MGMT: variants seen among roughly 807,000 people sequenced by gnomAD.
MGMT encodes O-6-methylguanine-DNA methyltransferase.
In MGMT, 14 loss-of-function variants were observed where a neutral mutation model predicts 15.9. The ratio of observed to expected loss-of-function variants is 0.88; its 90% CI spans 0.58 to 1.37. The LOEUF is 1.37. MGMT is among the 40% of genes most tolerant of loss of function. The pLI is 0.00. For synonymous variants in MGMT, 130 were observed against 118.2 expected (o/e 1.10, Z -0.65); for missense variants, 282 against 268.1 (o/e 1.05, Z -0.36).
intron 3 of MGMT, among the ~76,000 whole-genome samples, chr10:129,710,026 C>T (rs906044425): frequency 4.6e-5 from 7 of 152,208 alleles, no homozygotes; most frequent in African/African-American, 1.2e-4. Context: ...CTCCTAGAGC[C>T]GAGGACAGGC....
intron 1 of MGMT, among the ~76,000 whole-genome samples, chr10:129,521,300 G>A (rs916860603): frequency 3.9e-5 from 6 of 152,160 alleles, no homozygotes; most frequent in Non-Finnish European, 8.8e-5. Context: ...CCTGTTGCCC[G>A]GGGTGGCTGC....
chr10:129,701,334 A>C (rs935319683), intron 2 of MGMT: 3 of 152,240 alleles, frequency 2.0e-5, no homozygotes, highest in African/African-American at 7.2e-5. Flanking sequence ...TGTTCGGGTC[A>C]CAGGAGAGGC....
intron 2 of MGMT, among the ~76,000 whole-genome samples, chr10:129,655,045 C>T (rs1306316882): frequency 2.6e-5 from 4 of 152,278 alleles, no homozygotes; most frequent in South Asian, 2.1e-4. Context: ...AGAGGGTGAC[C>T]GCTGCACCCT....
intron 2 of MGMT, among the ~76,000 whole-genome samples, chr10:129,688,303 A>C (rs1473518589): frequency 6.6e-6 from 1 of 152,218 alleles, no homozygotes; most frequent in Non-Finnish European, 1.5e-5. Flanking sequence ...TTACAGTCCC[A>C]CCAACAGTAT....
At chr10:129,520,975 G>A (rs1040416396) in intron 1 of MGMT, among the ~76,000 whole-genome samples, 1 of 88,010 alleles carries the variant, frequency 1.1e-5, no homozygotes, top group Non-Finnish European at 2.1e-5. Context: ...TACGGTGAGG[G>A]TGCAGAGCCC....
chr10:129,733,687 T>A (rs1848528461), intron 3 of MGMT, among the ~76,000 whole-genome samples: 1 of 152,136 alleles, frequency 6.6e-6, no homozygotes, highest in Non-Finnish European at 1.5e-5. Flanking sequence ...TTTTTTATGG[T>A]TTTAGGTCTA....
chr10:129,551,836 G>A (rs919115447), intron 2 of MGMT, among the ~76,000 whole-genome samples: 12 of 152,150 alleles, frequency 7.9e-5, no homozygotes, highest in Non-Finnish European at 1.3e-4. Flanking sequence ...CCTGTGCCTG[G>A]CCTGCGCTCG....
intron 1 of MGMT, among the ~76,000 whole-genome samples, chr10:129,504,649 C>G (rs973211381): frequency 6.6e-6 from 1 of 152,192 alleles, no homozygotes; most frequent in East Asian, 1.9e-4. Flanking sequence ...TTGAGAAGGA[C>G]TAGAGAGGAT....
At chr10:129,617,703 A>G (rs1293973147) in intron 2 of MGMT, among the ~76,000 whole-genome samples, 1 of 151,994 alleles carries the variant, frequency 6.6e-6, no homozygotes, top group East Asian at 1.9e-4. Flanking sequence ...TTTTTTTCAT[A>G]TGCTTGTTGG....
At chr10:129,580,273 C>T (rs1048755858) in intron 2 of MGMT, among the ~76,000 whole-genome samples, 2 of 152,208 alleles carry the variant, frequency 1.3e-5, no homozygotes. Context: ...GGTGCTGACA[C>T]TGCATACCAT....
chr10:129,742,262 A>G (rs1848642889), intron 3 of MGMT, among the ~76,000 whole-genome samples: 1 of 152,198 alleles, frequency 6.6e-6, no homozygotes, highest in South Asian at 2.1e-4. Context: ...CTTAAAAGTT[A>G]TTGGGCCAGA....
chr10:129,590,843 G>A (rs901797127), intron 2 of MGMT, among the ~76,000 whole-genome samples: 3 of 152,292 alleles, frequency 2.0e-5, no homozygotes, highest in Admixed American at 6.5e-5. Context: ...GGAATATGTC[G>A]GTGCAGTGTG....
chr10:129,621,189 G>A (rs552423644), intron 2 of MGMT, among the ~76,000 whole-genome samples: 2 of 152,262 alleles, frequency 1.3e-5, no homozygotes, highest in African/African-American at 4.8e-5. Flanking sequence ...GGTGACTGTA[G>A]GGTTTCTAAT....
intron 2 of MGMT, among the ~76,000 whole-genome samples, chr10:129,548,418 A>G (rs572329020): frequency 6.6e-5 from 10 of 152,336 alleles, no homozygotes; most frequent in African/African-American, 2.4e-4. Context: ...ACCTGGAAAA[A>G]TACTGAGCTT....
chr10:129,591,412 A>G (rs534218686), intron 2 of MGMT, among the ~76,000 whole-genome samples: 2 of 152,314 alleles, frequency 1.3e-5, no homozygotes, highest in African/African-American at 2.4e-5. Context: ...GGAAAGGAGC[A>G]TTCTGGCTCA....
At chr10:129,515,140 T>C (rs1189831750) in intron 1 of MGMT, among the ~76,000 whole-genome samples, 3 of 149,294 alleles carry the variant, frequency 2.0e-5, no homozygotes, top group African/African-American at 7.6e-5. Context: ...TTGAGAGACG[T>C]GTGCTGACTG....
At chr10:129,568,074 C>T (rs1846375964) in intron 2 of MGMT, among the ~76,000 whole-genome samples, 1 of 152,160 alleles carries the variant, frequency 6.6e-6, no homozygotes, top group Non-Finnish European at 1.5e-5. Flanking sequence ...GCTTTAAATG[C>T]AAACCAACCA....
intron 3 of MGMT, among the ~76,000 whole-genome samples, chr10:129,732,479 T>A (rs1418328115): frequency 6.6e-6 from 1 of 152,092 alleles, no homozygotes; most frequent in South Asian, 2.1e-4. Context: ...GCAAAGGACA[T>A]GAACTCATCC....
Position 129,556,393 on chromosome 10 carries a change from G to A in MGMT, c.125+20016G>A, listed in dbSNP as rs1321160341. 2.6e-5 allele frequency among the ~76,000 whole-genome samples: 4 copies of A among 152,192 alleles called. No homozygotes were observed. Among genetic ancestry groups the A allele is most frequent in the East Asian group, 1.9e-4 (1 of 5,180 alleles). ...GGAGGTTGTGGCACAGACACACGGA[G>A]GGATGGCCACGTGAGGACCCTGGGA... is the stretch of plus-strand genomic sequence containing the variant. On this transcript the variant is annotated intron_variant, in intron 2 of 4. Transcript: ENST00000651593. This position sits in a 1 kb window ranked among gnomAD's most constrained non-coding sequence, Gnocchi z 4.3.
Sources: allele counts gnomAD v4.1 joint callset (sites outside exome capture counted in the v4.1 genomes callset), GRCh38; gene constraint gnomAD v4.1.1; non-coding constraint Gnocchi (gnomAD v3.1); transcripts MANE v1.5; gene names NCBI Gene and HGNC (gene_info 2026-07-23, HGNC 2026-07-21).